The following THRAP3 variants were observed in gnomAD, a reference collection of about 807,000 sequenced individuals.
THRAP3 encodes thyroid hormone receptor-associated protein 3.
A neutral mutation model predicts 101.0 loss-of-function variants in THRAP3; 16 were observed. The ratio of observed to expected loss-of-function variants is 0.16; its 90% CI spans 0.11 to 0.24. The LOEUF is 0.24. THRAP3 is among the 10% of genes least tolerant of loss of function. THRAP3 has a pLI of 1.00. For synonymous variants in THRAP3, 407 were observed against 422.6 expected, an observed-to-expected ratio of 0.96 and a Z score of 0.45; for missense variants, 989 against 1,202.7, an observed-to-expected ratio of 0.82 and a Z score of 2.63.
At position 36,224,462 on chromosome 1, in the gene THRAP3, T is replaced by C. The variant is rs902182494; in HGVS notation, c.-178T>C. ...GGGCGGGGGCGAGGTTCGGGCTGGT[T>C]GTTCCGTTGCGAGCTGCAGCTGCGA... On this transcript the variant is annotated 5_prime_UTR_variant, in exon 1 of 12. Transcript: ENST00000354618. 1.3e-5 allele frequency: 2 copies of C among 152,986 alleles called. No individual in the cohort carries two copies. The highest frequency in any genetic ancestry group is 2.9e-5 in the Non-Finnish European group (2 of 68,562). 9.5% of individuals were successfully genotyped at this position (152,986 alleles called of 1,614,324 possible). A position where few individuals can be genotyped will look rare whatever the true frequency, so the allele number is the denominator to read the frequency against.
intron 1 of THRAP3, among the ~76,000 whole-genome samples, chr1:36,250,545 C>T (rs1167753327): frequency 6.6e-6 from 1 of 151,922 alleles, no homozygotes; most frequent in Non-Finnish European, 1.5e-5. Context: ...TAGTAGAGTA[C>T]AATTTAGCCA....
chr1:36,270,639 G>A (rs1338431816), intron 2 of THRAP3, among the ~76,000 whole-genome samples: 3 of 141,760 alleles, frequency 2.1e-5, no homozygotes, highest in African/African-American at 7.9e-5. Context: ...GTGCAGTGGC[G>A]CAATCTTGGC....
chr1:36,214,702 C>CA, the THRAP3 span, among the ~76,000 whole-genome samples: 2 of 151,358 alleles, frequency 1.3e-5, no homozygotes, highest in Non-Finnish European at 2.9e-5. Context: ...ACTAAAAATG[C>CA]AAAAAAATTA....
chr1:36,299,638 A>G (rs550138243), intron 9 of THRAP3, among the ~76,000 whole-genome samples: 139 of 151,534 alleles, frequency 9.2e-4, no homozygotes, highest in Middle Eastern at 6.8e-3. Context: ...GTAGCTGGGT[A>G]GCTGGGATTA....
At chr1:36,208,966 CTTTTTTTTTTTTTTTTTT>C in the THRAP3 span, among the ~76,000 whole-genome samples, 1 of 51,880 alleles carries the variant, frequency 1.9e-5, no homozygotes, top group Non-Finnish European at 3.7e-5. Context: ...CATGTCCAGC[CTTTTTTTTTTTTTTTTTT>C]TTTTTTTTTT....
At chr1:36,209,871 A>G in the THRAP3 span, among the ~76,000 whole-genome samples, 4 of 152,216 alleles carry the variant, frequency 2.6e-5, no homozygotes, top group Admixed American at 2.6e-4. Flanking sequence ...GGACATCCCA[A>G]CTGCAAAAGG....
At position 36,301,548 on chromosome 1, in the gene THRAP3, A is replaced by G. The variant is rs371348549; in HGVS notation, c.2503-5A>G. On this transcript the variant is annotated splice_polypyrimidine_tract_variant and splice_region_variant and intron_variant, in intron 10 of 11. Transcript: ENST00000354618. Reference sequence around the variant, plus strand: ...TTGTTCTTTTTCCCTCATTTATTGCAATAGCAGTTTCGAGCCAGAGGAAGA... The same window carrying G: ...TTGTTCTTTTTCCCTCATTTATTGCGATAGCAGTTTCGAGCCAGAGGAAGA... The G allele has an allele frequency of 1.7e-4, 281 of 1,612,118 alleles. No individual in the cohort carries two copies. The Admixed American group carries it at 4.6e-3, about 27-fold the overall frequency.
chr1:36,298,143 T>C (rs1645977197), intron 9 of THRAP3, among the ~76,000 whole-genome samples: 1 of 56,216 alleles, frequency 1.8e-5, no homozygotes, highest in South Asian at 7.3e-4. Flanking sequence ...TGAGACTTCA[T>C]CTCAAAAAAA....
At chr1:36,229,165 T>C (rs1307789341) in intron 1 of THRAP3, among the ~76,000 whole-genome samples, 1 of 152,186 alleles carries the variant, frequency 6.6e-6, no homozygotes, top group African/African-American at 2.4e-5. Context: ...TGGTGCGATC[T>C]TGGCTTGCTG....
intron 7 of THRAP3, 136 bp downstream of exon 7, chr1:36,292,845 C>CAAATATA (rs1310671426): frequency 5.8e-5 from 36 of 621,986 alleles, no homozygotes; most frequent in African/African-American, 5.6e-4. Flanking sequence ...TCTAAGAGAG[C>CAAATATA]TATAGGCATT....
chr1:36,239,369 C>T (rs1345551515), intron 1 of THRAP3, among the ~76,000 whole-genome samples: 5 of 150,806 alleles, frequency 3.3e-5, no homozygotes, highest in African/African-American at 4.9e-5. Context: ...CGGCTTTCAG[C>T]GATTCTCCTG....
intron 1 of THRAP3, among the ~76,000 whole-genome samples, chr1:36,244,416 A>C (rs1645206569): frequency 6.6e-6 from 1 of 152,204 alleles, no homozygotes; most frequent in Non-Finnish European, 1.5e-5. Flanking sequence ...GCCTTCATGG[A>C]TTCTCCAGCA....
the THRAP3 span, among the ~76,000 whole-genome samples, chr1:36,214,002 GAAAGAAAGA>G: frequency 3.1e-5 from 1 of 32,342 alleles, no homozygotes; most frequent in Non-Finnish European, 6.0e-5. Flanking sequence ...AGAAAGGAAA[GAAAGAAAGA>G]AAGAAAGAAA....
chr1:36,213,989 GAAAGAAAGGAAAGAAAGAAAGAAAGAAA>G, the THRAP3 span, among the ~76,000 whole-genome samples: 31 of 89,052 alleles, frequency 3.5e-4, no homozygotes, highest in African/African-American at 1.7e-3. Context: ...AAGAAAGAAA[GAAAGAAAGGAAAGAAAGAAAGAAAGAAA>G]GAAAGAAAGA....
the THRAP3 span, among the ~76,000 whole-genome samples, chr1:36,217,887 C>T: frequency 6.6e-6 from 1 of 152,134 alleles, no homozygotes; most frequent in Non-Finnish European, 1.5e-5. Flanking sequence ...ACAACATTGA[C>T]ATTAGGCCAA....
chr1:36,236,125 G>T (rs888941514), intron 1 of THRAP3, among the ~76,000 whole-genome samples: 3 of 151,268 alleles, frequency 2.0e-5, no homozygotes, highest in Non-Finnish European at 4.4e-5. Flanking sequence ...TGTGGCAGGT[G>T]CCTGTAGTCC....
chr1:36,289,568 C>G lies in THRAP3; in HGVS notation c.1549C>G (p.Pro517Ala). ...RSEGGHRGFVPEKNFRVTAYK... is the reference protein window; with the variant it reads ...RSEGGHRGFVAEKNFRVTAYK... ...CGAAGGTGGGCACAGGGGCTTTGTG[C>G]CTGAGAAGAATTTCCGAGTGACTGC... is the stretch of plus-strand genomic sequence containing the variant. Residue 517 changes from proline (P) to alanine (A), a missense_variant, in exon 5 of 12, where the codon CCT becomes GCT. Pro to Ala is a conservative substitution (Grantham distance 27). Transcript: ENST00000354618. 6 of 1,613,972 alleles carry G rather than the reference C, an allele frequency of 3.7e-6. No individual in the cohort carries two copies. Among genetic ancestry groups the G allele is most frequent in the Non-Finnish European group, 5.1e-6 (6 of 1,179,970 alleles).
upstream of THRAP3, among the ~76,000 whole-genome samples, chr1:36,219,510 T>C (rs1192216866): frequency 6.6e-6 from 1 of 152,124 alleles, no homozygotes; most frequent in Non-Finnish European, 1.5e-5. Context: ...CTGTAACCTC[T>C]GCCTCCTGGG....
chr1:36,226,611 G>A (rs1335683730), intron 1 of THRAP3, among the ~76,000 whole-genome samples: 1 of 152,116 alleles, frequency 6.6e-6, no homozygotes, highest in Non-Finnish European at 1.5e-5. Flanking sequence ...ATTTTAGGGC[G>A]CTACCCTGTT....
Sources: allele counts gnomAD v4.1 joint callset (sites outside exome capture counted in the v4.1 genomes callset), GRCh38; gene constraint gnomAD v4.1.1; transcripts MANE v1.5; gene names NCBI Gene and HGNC (gene_info 2026-07-23, HGNC 2026-07-21).